EPN2: variants seen among roughly 807,000 people sequenced by gnomAD.
EPN2 encodes the protein epsin 2.
EPN2 carries 34 observed loss-of-function variants against 61.7 expected under a neutral mutation model. The ratio of observed to expected loss-of-function variants is 0.55; its 90% confidence interval spans 0.42 to 0.73. EPN2 has a LOEUF of 0.73. Among genes scored for constraint, EPN2 ranks in the 30% least tolerant of loss-of-function variants. EPN2 has a pLI of 0.00. For missense variants in EPN2, 714 were observed against 839.2 expected (o/e 0.85, Z 1.84); for synonymous variants, 349 against 353.6 (o/e 0.99, Z 0.15).
rs780662603 is a variant in EPN2, at chr17:19,313,275, G to A, written c.1143G>A (p.Ser381=). 6 of 1,535,094 alleles carry A rather than the reference G, an allele frequency of 3.9e-6. No homozygotes were observed. Among genetic ancestry groups the A allele is most frequent in the Non-Finnish European group, 5.2e-6 (6 of 1,145,226 alleles). The change falls in exon 7 of 11, where the codon TCG becomes TCA. Residue 381 remains serine (S), a synonymous_variant. Coordinates refer to ENST00000314728, the MANE Select transcript of EPN2 (RefSeq NM_014964.5). Reference sequence around the variant, plus strand: ...CGAGTACTTCAGACCCCTGGCCATCGTTTGGTAAAGACCCCATTACTGGTC... The same window carrying A: ...CGAGTACTTCAGACCCCTGGCCATCATTTGGTAAAGACCCCATTACTGGTC... The part of the protein sequence containing the change: ...APASTSDPWP[S]FGTKPAASID...
At chr17:19,262,430 A>G (rs2045152196) in intron 1 of EPN2, among the ~76,000 whole-genome samples, 1 of 152,170 alleles carries the variant, frequency 6.6e-6, no homozygotes, top group Non-Finnish European at 1.5e-5. Context: ...GTGAGCCGAG[A>G]TCACACCACT....
At chr17:19,242,219 T>C (rs1035750144) in intron 1 of EPN2, among the ~76,000 whole-genome samples, 60 of 151,252 alleles carry the variant, frequency 4.0e-4, no homozygotes, top group African/African-American at 1.4e-3. Flanking sequence ...GGCGGATCAC[T>C]TGAGGCCTAG....
intron 4 of EPN2, among the ~76,000 whole-genome samples, chr17:19,298,201 A>T (rs988573771): frequency 2.6e-5 from 4 of 151,608 alleles, no homozygotes; most frequent in Non-Finnish European, 5.9e-5. Flanking sequence ...ATTTATTTTT[A>T]TTTATCTTTT....
intron 4 of EPN2, among the ~76,000 whole-genome samples, chr17:19,301,248 C>G (rs1303311430): frequency 6.6e-6 from 1 of 152,148 alleles, no homozygotes; most frequent in Non-Finnish European, 1.5e-5. Flanking sequence ...TCTATTGACT[C>G]TAGGGCCCAT....
At chr17:19,312,362 C>G (rs1906182553) in intron 6 of EPN2, among the ~76,000 whole-genome samples, 2 of 152,206 alleles carry the variant, frequency 1.3e-5, no homozygotes, top group South Asian at 4.1e-4. Flanking sequence ...CCTCAGTCTG[C>G]TCGTTTGTAA....
intron 4 of EPN2, among the ~76,000 whole-genome samples, chr17:19,293,452 C>CTCTATA (rs1242311434): frequency 2.0e-5 from 3 of 151,512 alleles, no homozygotes; most frequent in Non-Finnish European, 4.4e-5. Flanking sequence ...TCACTGCAGC[C>CTCTATA]TCTACCTCCC....
At chr17:19,313,357 C>T (rs1869173155) in intron 7 of EPN2, 78 bp downstream of exon 7, 7 of 1,382,946 alleles carry the variant, frequency 5.1e-6, no homozygotes, top group Non-Finnish European at 5.8e-6. Context: ...TGCTGTCTCT[C>T]ACCCACTTGG....
chr17:19,264,862 G>A (rs1451658535), intron 1 of EPN2, among the ~76,000 whole-genome samples: 4 of 152,140 alleles, frequency 2.6e-5, no homozygotes. Context: ...TGTCCCTTGA[G>A]AGCCTGCAGT....
At position 19,329,384 on chromosome 17, in the gene EPN2, C is replaced by T. The variant is rs117362886; in HGVS notation, c.1325-177C>T. The T allele has an allele frequency of 5.5e-3, 3,082 of 556,686 alleles. 10 individuals carry two copies. The highest frequency in any genetic ancestry group is 7.0e-3 in the Non-Finnish European group (2,194 of 313,918). 34.5% of individuals were successfully genotyped at this position (556,686 alleles called of 1,614,324 possible). ...CCAGGCTCCCTGTCTCCCCTCCCAG[C>T]GTGCTGGTGACCCCAGGCTGTCTTG... On this transcript the variant is annotated intron_variant, in intron 8 of 10. Coordinates refer to ENST00000314728, the MANE Select transcript of EPN2 (RefSeq NM_014964.5).
intron 5 of EPN2, 79 bp downstream of exon 5, chr17:19,310,076 C>T: frequency 1.0e-6 from 1 of 963,670 alleles, no homozygotes; most frequent in Admixed American, 1.8e-5. Context: ...AAGAAGATGG[C>T]AGACACAGCC....
At chr17:19,238,555 G>A (rs1462167529) in intron 1 of EPN2, among the ~76,000 whole-genome samples, 1 of 152,174 alleles carries the variant, frequency 6.6e-6, no homozygotes, top group East Asian at 1.9e-4. Flanking sequence ...TTTAAGAGCG[G>A]AGAGGGCTTA....
chr17:19,333,625 GT>G (rs1300060276), intron 10 of EPN2, among the ~76,000 whole-genome samples: 3 of 152,130 alleles, frequency 2.0e-5, no homozygotes, highest in Non-Finnish European at 4.4e-5. Flanking sequence ...GGGAGCAGTG[GT>G]AGCTGATGGC....
At chr17:19,274,966 A>T (rs1050888555) in intron 1 of EPN2, among the ~76,000 whole-genome samples, 6 of 152,046 alleles carry the variant, frequency 3.9e-5, no homozygotes, top group African/African-American at 1.4e-4. Flanking sequence ...TTACCAGAAA[A>T]TTCTCCCCCA....
chr17:19,244,250 G>A (rs2071908809), intron 1 of EPN2, among the ~76,000 whole-genome samples: 1 of 152,186 alleles, frequency 6.6e-6, no homozygotes, highest in African/African-American at 2.4e-5. Context: ...CTTGAGGCCA[G>A]GAGTTGGAGA....
chr17:19,333,346 G>A lies in EPN2; in HGVS notation c.1628-610G>A, dbSNP rs889984658. 3.3e-5 allele frequency among the ~76,000 whole-genome samples: 5 copies of A among 152,192 alleles called. No individual in the cohort carries two copies. In the South Asian group the frequency reaches 8.3e-4, roughly 25 times the overall value. ...GGAGGAGGTTTGGGCAACTCTGCTG[G>A]ACATACAGGGCCATTCTCCAGGCCA... On this transcript the variant is annotated intron_variant, in intron 10 of 10. Transcript: ENST00000314728.
intron 1 of EPN2, among the ~76,000 whole-genome samples, chr17:19,267,234 C>T (rs969350637): frequency 1.3e-5 from 2 of 151,654 alleles, no homozygotes; most frequent in Admixed American, 6.6e-5. Flanking sequence ...GGAGTGAGGA[C>T]GTGTGTGGTG....
At chr17:19,319,840 G>T (rs894583730) in intron 7 of EPN2, among the ~76,000 whole-genome samples, 3 of 152,092 alleles carry the variant, frequency 2.0e-5, no homozygotes, top group African/African-American at 4.8e-5. Flanking sequence ...TAGAGACAGG[G>T]TTTCACCATA....
intron 7 of EPN2, among the ~76,000 whole-genome samples, chr17:19,318,004 T>C (rs1333002633): frequency 6.6e-6 from 1 of 152,220 alleles, no homozygotes; most frequent in East Asian, 1.9e-4. Flanking sequence ...CACGGGACTT[T>C]GTATGTGTCT....
At chr17:19,263,759 G>A (rs2045167919) in intron 1 of EPN2, among the ~76,000 whole-genome samples, 1 of 152,246 alleles carries the variant, frequency 6.6e-6, no homozygotes, top group African/African-American at 2.4e-5. Flanking sequence ...ACCAGCAGCA[G>A]CTGAGTCTGC....
Sources: allele counts gnomAD v4.1 joint callset (sites outside exome capture counted in the v4.1 genomes callset), GRCh38; gene constraint gnomAD v4.1.1; transcripts MANE v1.5; gene names NCBI Gene and HGNC (gene_info 2026-07-23, HGNC 2026-07-21).